Variants in MDGA2 observed in about 807,000 individuals in gnomAD.
The protein encoded by MDGA2 is MAM domain containing glycosylphosphatidylinositol anchor 2.
A neutral mutation model predicts 117.8 loss-of-function variants in MDGA2; 40 were observed. The observed-to-expected ratio is 0.34, with a 90% CI of 0.26 to 0.44. The LOEUF is 0.44. MDGA2 is among the 20% of genes least tolerant of loss of function. The pLI is 1.00. For synonymous variants in MDGA2, 452 were observed against 439.0 expected (o/e 1.03, Z -0.37); for missense variants, 1,123 against 1,250.6 (o/e 0.90, Z 1.54).
chr14:46,922,323 A>ACAGCCATTT (rs1884164382), intron 9 of MDGA2, among the ~76,000 whole-genome samples: 1 of 152,158 alleles, frequency 6.6e-6, no homozygotes, highest in Admixed American at 6.5e-5. Context: ...CAACACTTAA[A>ACAGCCATTT]CAGCCATTTA....
At chr14:47,318,249 A>G (rs1186640001) in intron 1 of MDGA2, among the ~76,000 whole-genome samples, 1 of 150,396 alleles carries the variant, frequency 6.6e-6, no homozygotes, top group African/African-American at 2.4e-5. Flanking sequence ...TGTCATTAAC[A>G]TGACCTTAAA....
intron 2 of MDGA2, among the ~76,000 whole-genome samples, chr14:47,249,177 C>G (rs1887360040): frequency 6.6e-6 from 1 of 151,870 alleles, no homozygotes; most frequent in African/African-American, 2.4e-5. Context: ...ACCACCATGC[C>G]CAGCTAATTT....
At chr14:46,960,267 T>C (rs1011193394) in intron 8 of MDGA2, among the ~76,000 whole-genome samples, 7 of 152,094 alleles carry the variant, frequency 4.6e-5, no homozygotes, top group Non-Finnish European at 7.4e-5. Context: ...GGTATACCTA[T>C]AGTATTTTTT....
chr14:47,509,165 G>C (rs1246821510), intron 1 of MDGA2, among the ~76,000 whole-genome samples: 1 of 152,214 alleles, frequency 6.6e-6, no homozygotes, highest in Admixed American at 6.5e-5. Context: ...GACATGTCTA[G>C]ATGACAGAAT....
chr14:47,616,120 A>G (rs1896944823), intron 1 of MDGA2, among the ~76,000 whole-genome samples: 1 of 152,240 alleles, frequency 6.6e-6, no homozygotes, highest in Admixed American at 6.5e-5. Context: ...TTTCAGTGCT[A>G]TAACTAAAAT....
At position 47,162,545 on chromosome 14, in the gene MDGA2, C is replaced by T. The variant is rs75276176; in HGVS notation, c.596-18271G>A. On this transcript the variant is annotated intron_variant, in intron 3 of 16. Transcript: ENST00000399232. The stretch of plus-strand genomic sequence containing the variant: ...TGCTTTGTGATTTCCTCTTTCTCCT[C>T]GGATTTCATATCTTTTTGTATTAGC... Among the ~76,000 whole-genome samples, 264 of 151,752 alleles carry T rather than the reference C, an allele frequency of 1.7e-3. 3 individuals carry two copies. The highest frequency in any genetic ancestry group is 6.2e-3 in the African/African-American group (255 of 41,132).
intron 1 of MDGA2, among the ~76,000 whole-genome samples, chr14:47,558,627 C>T (rs771390093): frequency 6.6e-6 from 1 of 152,200 alleles, no homozygotes; most frequent in Non-Finnish European, 1.5e-5. Context: ...TGCACATCCT[C>T]TTTGTCCATC....
At chr14:47,239,561 G>T (rs1886972729) in intron 2 of MDGA2, among the ~76,000 whole-genome samples, 2 of 151,776 alleles carry the variant, frequency 1.3e-5, no homozygotes, top group African/African-American at 4.8e-5. Context: ...TAATTGAAGA[G>T]AATTTTTGTT....
intron 1 of MDGA2, among the ~76,000 whole-genome samples, chr14:47,307,837 T>C (rs779322308): frequency 6.6e-6 from 1 of 152,122 alleles, no homozygotes; most frequent in Non-Finnish European, 1.5e-5. Flanking sequence ...TGATGCTACA[T>C]AGAATAGAGG....
intron 2 of MDGA2, among the ~76,000 whole-genome samples, chr14:47,225,285 A>G (rs1187723441): frequency 1.3e-5 from 2 of 151,994 alleles, no homozygotes; most frequent in Non-Finnish European, 2.9e-5. Context: ...TAGAAATACC[A>G]TTTGACCCAG....
At chr14:47,535,549 T>C (rs1895193167) in intron 1 of MDGA2, among the ~76,000 whole-genome samples, 1 of 152,192 alleles carries the variant, frequency 6.6e-6, no homozygotes, top group African/African-American at 2.4e-5. Context: ...AGCTCTGTGT[T>C]AGAAAGGACG....
chr14:46,973,163 G>C (rs536833926), intron 8 of MDGA2, among the ~76,000 whole-genome samples: 1 of 152,228 alleles, frequency 6.6e-6, no homozygotes, highest in African/African-American at 2.4e-5. Flanking sequence ...TTCGTTGCTG[G>C]TGGAAATGCA....
At chr14:47,551,880 A>C (rs1235486608) in intron 1 of MDGA2, among the ~76,000 whole-genome samples, 1 of 152,134 alleles carries the variant, frequency 6.6e-6, no homozygotes, top group Non-Finnish European at 1.5e-5. Context: ...TTGGAGCGGT[A>C]AGAGGAAATT....
chr14:47,636,185 C>A (rs1236018995), intron 1 of MDGA2, among the ~76,000 whole-genome samples: 1 of 151,982 alleles, frequency 6.6e-6, no homozygotes, highest in African/African-American at 2.4e-5. Context: ...ACACTTTGAT[C>A]CCCCCAGACT....
intron 1 of MDGA2, among the ~76,000 whole-genome samples, chr14:47,529,981 G>T (rs1895060574): frequency 6.6e-6 from 1 of 152,186 alleles, no homozygotes; most frequent in Non-Finnish European, 1.5e-5. Flanking sequence ...ATACAAAATA[G>T]CATGCAGGAT....
chr14:47,425,115 C>A (rs927359481), intron 1 of MDGA2, among the ~76,000 whole-genome samples: 3 of 152,144 alleles, frequency 2.0e-5, no homozygotes, highest in Non-Finnish European at 4.4e-5. Flanking sequence ...TTTAGCTTAT[C>A]TGATAAGTCT....
chr14:47,538,465 A>G (rs1411024753), intron 1 of MDGA2, among the ~76,000 whole-genome samples: 1 of 152,242 alleles, frequency 6.6e-6, no homozygotes, highest in Non-Finnish European at 1.5e-5. Flanking sequence ...GTTTCAGTCT[A>G]TAACAAGACT....
intron 1 of MDGA2, among the ~76,000 whole-genome samples, chr14:47,481,494 T>A (rs772891290): frequency 1.3e-5 from 2 of 151,990 alleles, no homozygotes; most frequent in Non-Finnish European, 2.9e-5. Flanking sequence ...GCTAATGTAA[T>A]GTTTCTCTGT....
At chr14:47,343,778 G>A (rs988426848) in intron 1 of MDGA2, among the ~76,000 whole-genome samples, 4 of 149,638 alleles carry the variant, frequency 2.7e-5, no homozygotes, top group Non-Finnish European at 4.5e-5. Context: ...TTTTTCTTCT[G>A]TATTCAAACA....
Sources: gnomAD v4.1 joint callset for allele counts (sites outside exome capture counted in the v4.1 genomes callset) on GRCh38, gnomAD v4.1.1 for gene constraint, MANE v1.5 for transcripts, NCBI Gene and HGNC (gene_info 2026-07-23, HGNC 2026-07-21) for gene names.